Variants in SCIN observed in about 807,000 individuals in gnomAD.
The protein encoded by SCIN is scinderin.
A neutral mutation model predicts 91.8 loss-of-function variants in SCIN; 91 were observed. The ratio of observed to expected loss-of-function variants is 0.99; its 90% CI spans 0.84 to 1.18. SCIN has a LOEUF of 1.18. Among genes scored for constraint, SCIN ranks in the 50% most tolerant of loss-of-function variants. The probability of loss-of-function intolerance (pLI) is 0.00; values close to 1 mark genes in which losing one functional copy is unlikely to be tolerated. For synonymous variants in SCIN, 367 were observed against 312.6 expected, an observed-to-expected ratio of 1.17 and a Z score of -1.84; for missense variants, 1,087 against 863.9, an observed-to-expected ratio of 1.26 and a Z score of -3.24.
chr7:12,657,162 G>A lies in SCIN; in HGVS notation c.*4447G>A, dbSNP rs1784176996. The A allele has an allele frequency of 6.7e-6, 1 of 148,364 alleles. No homozygotes were observed. Among genetic ancestry groups the A allele is most frequent in the South Asian group, 2.1e-4 (1 of 4,678 alleles). 9.2% of individuals were successfully genotyped at this position (148,364 alleles called of 1,614,324 possible). ...TAATCCAGAAATCCCACTCCATGGT[G>A]TGTACCCAACAAAAATGCATACATG... On this transcript the variant is annotated 3_prime_UTR_variant, in exon 16 of 16. Coordinates refer to ENST00000297029, the MANE Select transcript of SCIN (RefSeq NM_001112706.3).
chr7:12,573,775 C>T (rs539804505), intron 1 of SCIN, among the ~76,000 whole-genome samples: 26 of 152,262 alleles, frequency 1.7e-4, no homozygotes, highest in Non-Finnish European at 3.1e-4. Flanking sequence ...CAGTTTTAAA[C>T]TTCACACAAA....
intron 5 of SCIN, among the ~76,000 whole-genome samples, chr7:12,624,253 C>G (rs964606974): frequency 1.5e-4 from 23 of 152,158 alleles, no homozygotes; most frequent in African/African-American, 5.6e-4. Context: ...AGGGAGGGCT[C>G]TGGAATCTGT....
chr7:12,643,484 G>T (rs986965323), intron 11 of SCIN, among the ~76,000 whole-genome samples: 1 of 152,190 alleles, frequency 6.6e-6, no homozygotes, highest in African/African-American at 2.4e-5. Context: ...GTTCTGTGAG[G>T]CCTCATTCCT....
chr7:12,590,920 T>A (rs1782708214), intron 3 of SCIN, among the ~76,000 whole-genome samples: 1 of 152,184 alleles, frequency 6.6e-6, no homozygotes, highest in African/African-American at 2.4e-5. Context: ...TTGACTCGTT[T>A]GCCTTTGGAA....
chr7:12,578,216 A>T lies in SCIN; in HGVS notation c.352A>T (p.Lys118Ter), dbSNP rs1329566338. The change falls in exon 2 of 16, where the codon AAG becomes TAG. Residue 118 changes from lysine (K) to a stop codon, truncating the protein, a stop_gained and splice_region_variant. Coordinates refer to ENST00000297029, the MANE Select transcript of SCIN (RefSeq NM_001112706.3). LOFTEE classifies it high-confidence loss of function. ...CTATTTCAAAGGCGGTCTGAAATAC[A>T]AGGTAAGCAGCTCCCTCAGTTTCCA... ...VSYFKGGLKYKAGGVASGLNH... is the reference protein window; with the variant it reads ...VSYFKGGLKY 1.3e-6 allele frequency: 2 copies of T among 1,545,568 alleles called. No homozygotes were observed. The highest frequency in any genetic ancestry group is 1.7e-6 in the Non-Finnish European group (2 of 1,144,310).
At chr7:12,602,128 G>T (rs1398636441) in intron 3 of SCIN, among the ~76,000 whole-genome samples, 1 of 152,190 alleles carries the variant, frequency 6.6e-6, no homozygotes, top group Non-Finnish European at 1.5e-5. Context: ...GAGAAATAAA[G>T]AGAAAGAGTA....
At chr7:12,603,994 T>A (rs1216502837) in intron 3 of SCIN, among the ~76,000 whole-genome samples, 1 of 152,108 alleles carries the variant, frequency 6.6e-6, no homozygotes, top group Non-Finnish European at 1.5e-5. Flanking sequence ...TTTATGGCTC[T>A]TGATAAGAAT....
rs370935948 is a variant in SCIN, at chr7:12,581,097, C to T, written c.392C>T (p.Thr131Met). 1.5e-5 allele frequency: 24 copies of T among 1,551,296 alleles called. No homozygotes were observed. The East Asian group carries it at 2.9e-4, about 19-fold the overall frequency. Residue 131 changes from threonine (T) to methionine (M), a missense_variant, in exon 3 of 16, where the codon ACG becomes ATG. Thr to Met is a moderately conservative substitution (Grantham distance 81). Transcript: ENST00000297029. ...GCATCTGGATTAAATCATGTTCTTA[C>T]GAACGACCTGACAGCCAAGAGGCTC... is the stretch of plus-strand genomic sequence containing the variant. ...GVASGLNHVL[T>M]NDLTAKRLLH... is the part of the protein sequence containing the mutation.
intron 4 of SCIN, among the ~76,000 whole-genome samples, chr7:12,617,514 G>T (rs1214788485): frequency 6.6e-6 from 1 of 152,102 alleles, no homozygotes; most frequent in Non-Finnish European, 1.5e-5. Context: ...AGGGAAAAAG[G>T]TTTGGTGATG....
At chr7:12,622,711 T>C in intron 4 of SCIN, 90 bp from the exon 5 acceptor site, 1 of 873,310 alleles carries the variant, frequency 1.1e-6, no homozygotes, top group Non-Finnish European at 1.8e-6. Context: ...AAATATTTTA[T>C]AATCCATGTC....
At chr7:12,620,880 C>T (rs769651002) in intron 4 of SCIN, among the ~76,000 whole-genome samples, 2 of 152,104 alleles carry the variant, frequency 1.3e-5, no homozygotes, top group African/African-American at 4.8e-5. Flanking sequence ...TTGCAAGATA[C>T]ATCTTGGCTA....
chr7:12,600,762 T>C (rs1390638428), intron 3 of SCIN, among the ~76,000 whole-genome samples: 1 of 152,170 alleles, frequency 6.6e-6, no homozygotes, highest in Non-Finnish European at 1.5e-5. Context: ...GAGGAGCTTT[T>C]AATAAACACA....
chr7:12,570,829 A>C lies in SCIN; in HGVS notation c.43A>C (p.Lys15Gln). The change falls in exon 1 of 16, where the codon AAG (lysine) becomes CAG (glutamine). Residue 15 changes from lysine (K) to glutamine (Q), a missense_variant. Physicochemically the swap from Lys to Gln is moderately conservative, Grantham distance 53. Coordinates refer to ENST00000297029, the MANE Select transcript of SCIN (RefSeq NM_001112706.3). ...LYHEEFARAG[K>Q]QAGLQVWRIE... ...CCACGAAGAGTTCGCCCGGGCGGGC[A>C]AGCAGGCGGGGCTGCAGGTCTGGAG... 6.4e-7 allele frequency: 1 copy of C among 1,551,576 alleles called. No individual in the cohort carries two copies. Among genetic ancestry groups the C allele is most frequent in the Non-Finnish European group, 8.7e-7 (1 of 1,146,964 alleles).
intron 4 of SCIN, 106 bp downstream of exon 4, chr7:12,604,769 G>C: frequency 1.1e-5 from 10 of 912,396 alleles, no homozygotes; most frequent in Non-Finnish European, 1.6e-5. Context: ...GAAGGGGAAA[G>C]AGATTCAACA....
At chr7:12,592,120 G>A (rs951861415) in intron 3 of SCIN, among the ~76,000 whole-genome samples, 1 of 152,180 alleles carries the variant, frequency 6.6e-6, no homozygotes, top group African/African-American at 2.4e-5. Context: ...GGGTGTCAGG[G>A]TCAGTCCAGG....
intron 3 of SCIN, chr7:12,589,333 C>T (rs569238178): frequency 1.1e-4 from 16 of 151,934 alleles, no homozygotes; most frequent in African/African-American, 3.9e-4. Context: ...ACGCCATTCT[C>T]CTGCCTCAGC....
intron 4 of SCIN, among the ~76,000 whole-genome samples, 199 bp from the exon 5 acceptor site, chr7:12,622,602 T>G (rs1289790138): frequency 3.3e-5 from 5 of 152,116 alleles, no homozygotes; most frequent in Non-Finnish European, 5.9e-5. Flanking sequence ...GCAACCTCAG[T>G]GCTTGTTTAC....
intron 3 of SCIN, among the ~76,000 whole-genome samples, chr7:12,602,032 C>T (rs1187181542): frequency 4.6e-5 from 7 of 151,992 alleles, no homozygotes; most frequent in South Asian, 4.1e-4. Context: ...GGGTTTAAGC[C>T]CCAGGTTGGG....
At position 12,596,374 on chromosome 7, in the gene SCIN, T is replaced by C. The variant is rs149029123; in HGVS notation, c.517-8140T>C. On this transcript the variant is annotated intron_variant, in intron 3 of 15. Coordinates refer to ENST00000297029, the MANE Select transcript of SCIN (RefSeq NM_001112706.3). ...TGCGTTTAATTAAGTGCAATAGGTG[T>C]GGACCATCAGGAAATGGCCTCCCTG... 53 of 455,480 alleles carry C rather than the reference T, an allele frequency of 1.2e-4. No individual in the cohort carries two copies. In the East Asian group the frequency reaches 3.1e-3, roughly 27 times the overall value. 28.2% of individuals were successfully genotyped at this position (455,480 alleles called of 1,614,324 possible). A position where few individuals can be genotyped will look rare whatever the true frequency, so the allele number is the denominator to read the frequency against.
Sources: gnomAD v4.1 joint callset for allele counts (sites outside exome capture counted in the v4.1 genomes callset) on GRCh38, gnomAD v4.1.1 for gene constraint, MANE v1.5 for transcripts, NCBI Gene and HGNC (gene_info 2026-07-23, HGNC 2026-07-21) for gene names.